IKZF1: variants seen among roughly 807,000 people sequenced by gnomAD.
The protein encoded by IKZF1 is IKAROS family zinc finger 1.
IKZF1 carries 10 observed loss-of-function variants against 51.7 expected under a neutral mutation model. That is an observed-to-expected ratio of 0.19 (90% CI 0.12 to 0.33). The LOEUF is 0.33. Ranked by LOEUF, IKZF1 falls within the 10% of genes least tolerant of loss-of-function variation. The pLI is 1.00. For missense variants in IKZF1, 484 were observed against 707.5 expected, an observed-to-expected ratio of 0.68 and a Z score of 3.58; for synonymous variants, 280 against 282.3, an observed-to-expected ratio of 0.99 and a Z score of 0.08.
chr7:50,364,050 T>C (rs1178901969), intron 3 of IKZF1, among the ~76,000 whole-genome samples: 5 of 152,242 alleles, frequency 3.3e-5, no homozygotes, highest in Non-Finnish European at 5.9e-5. Flanking sequence ...TTATAAATTT[T>C]ATAAATTTCT....
At chr7:50,399,784 G>T in intron 7 of IKZF1, 134 bp from the exon 8 acceptor site, 7 of 1,343,134 alleles carry the variant, frequency 5.2e-6, no homozygotes, top group Non-Finnish European at 6.9e-6. Context: ...TGCAGGTGTG[G>T]GGTCCGCAGG....
upstream of IKZF1, chr7:50,304,114 G>A (rs964047454): frequency 1.4e-5 from 2 of 146,620 alleles, no homozygotes; most frequent in African/African-American, 2.5e-5. Context: ...GGCGCCAGCA[G>A]GTACGGCCCG....
In IKZF1 at chr7:50,346,153, C is replaced by T. The variant is rs1373873007; in HGVS notation, c.160+18396C>T. ...CTGCCCACAGAGCTAGCCATGTGCACGGTGTGTTTGAACAATGTTATGTTG... is the reference window on the plus strand; with the variant it reads ...CTGCCCACAGAGCTAGCCATGTGCATGGTGTGTTTGAACAATGTTATGTTG... On this transcript the variant is annotated intron_variant, in intron 3 of 7. Transcript: ENST00000331340. Among the ~76,000 whole-genome samples the T allele has an allele frequency of 4.6e-5, 7 of 152,278 alleles. No individual in the cohort carries two copies. In the East Asian group the frequency reaches 1.2e-3, roughly 25 times the overall value.
rs1281986964 is a variant in IKZF1 at position 50,367,848 on chromosome 7, G to T, written c.161-8685G>T. On this transcript the variant is annotated intron_variant, in intron 3 of 7. Coordinates refer to ENST00000331340, the MANE Select transcript of IKZF1 (RefSeq NM_006060.6). Reference sequence around the variant, plus strand: ...GTTCATGAGTAATTACTTTTCTGTTGCCTATAGAAGGGCCAGCAATAGCAG... The same window carrying T: ...GTTCATGAGTAATTACTTTTCTGTTTCCTATAGAAGGGCCAGCAATAGCAG... The T allele has an allele frequency of 8.4e-6, 5 of 592,870 alleles. No individual in the cohort carries two copies. The African/African-American group carries it at 9.3e-5, about 11-fold the overall frequency. The allele number at this position is 592,870 out of a possible 1,614,324, so 36.7% of individuals were successfully genotyped here. A position where few individuals can be genotyped will look rare whatever the true frequency, so the allele number is the denominator to read the frequency against.
At chr7:50,303,767 G>A (rs1024067145), upstream of IKZF1, among the ~76,000 whole-genome samples, 1 of 151,718 alleles carries the variant, frequency 6.6e-6, no homozygotes, top group African/African-American at 2.4e-5. The surrounding 1 kb of genome is among the most constrained non-coding windows in gnomAD (Gnocchi z 4.7). Context: ...CTCGCCAGCG[G>A]GGCGAGCGTG....
Position 50,304,722 on chromosome 7 carries a change from A to G in IKZF1, c.-215A>G, listed in dbSNP as rs1241165616. Reference sequence around the variant, plus strand: ...GCGGCCAAGTTAGCAGGACACTCTAACAAGTGACTGCGCGGCCCGCGCCCG... The same window carrying G: ...GCGGCCAAGTTAGCAGGACACTCTAGCAAGTGACTGCGCGGCCCGCGCCCG... On this transcript the variant is annotated 5_prime_UTR_variant, in exon 1 of 8. Coordinates refer to ENST00000331340, the MANE Select transcript of IKZF1 (RefSeq NM_006060.6). The G allele has an allele frequency of 6.6e-6, 1 of 151,830 alleles. No individual in the cohort carries two copies. Among genetic ancestry groups the G allele is most frequent in the African/African-American group, 2.4e-5 (1 of 41,364 alleles). The allele number at this position is 151,830 out of a possible 1,614,324, so 9.4% of individuals were successfully genotyped here.
intron 3 of IKZF1, among the ~76,000 whole-genome samples, chr7:50,347,303 C>T (rs374337198): frequency 6.6e-6 from 1 of 152,134 alleles, no homozygotes; most frequent in South Asian, 2.1e-4. Context: ...AGTTAGCATA[C>T]CTGAGCTGCA....
In IKZF1 at chr7:50,400,122, A is replaced by C; in HGVS notation, c.1055A>C (p.Lys352Thr). The C allele has an allele frequency of 6.4e-7, 1 of 1,562,818 alleles. No individual in the cohort carries two copies. Among genetic ancestry groups the C allele is most frequent in the Non-Finnish European group, 8.7e-7 (1 of 1,155,462 alleles). Residue 352 changes from lysine (K) to threonine (T), a missense_variant, in exon 8 of 8, where the codon AAG becomes ACG. Transcript: ENST00000331340. The surrounding 1 kb of genome is among the most constrained non-coding windows in gnomAD (Gnocchi z 5.4). Reference sequence around the variant, plus strand: ...ATCAGCCCGATGTACCAGCTGCACAAGCCGCTCGCGGAGGGCACCCCGCGC... The same window carrying C: ...ATCAGCCCGATGTACCAGCTGCACACGCCGCTCGCGGAGGGCACCCCGCGC... ...PVISPMYQLH[K>T]PLAEGTPRSN...
Position 50,327,651 on chromosome 7 carries a change from C to T in IKZF1, c.54C>T (p.Pro18=), listed in dbSNP as rs780897370. The change falls in exon 3 of 8, where the codon CCC becomes CCT. Residue 18 remains proline, a synonymous_variant. Transcript: ENST00000331340. Reference sequence around the variant, plus strand: ...CTTTCTCATCAGGGAAGGAAAGCCCCCCTGTAAGCGATACTCCAGATGAGG... The same window carrying T: ...CTTTCTCATCAGGGAAGGAAAGCCCTCCTGTAAGCGATACTCCAGATGAGG... ...DMSQVSGKES[P]PVSDTPDEGD... 1.9e-6 allele frequency: 3 copies of T among 1,612,628 alleles called. No individual in the cohort carries two copies. The highest frequency in any genetic ancestry group is 2.5e-6 in the Non-Finnish European group (3 of 1,179,266).
chr7:50,366,719 A>C (rs1286938861), intron 3 of IKZF1, among the ~76,000 whole-genome samples: 3 of 152,228 alleles, frequency 2.0e-5, no homozygotes, highest in Non-Finnish European at 1.5e-5. Flanking sequence ...TACCCTTTAA[A>C]ACATCTTTGC....
intron 1 of IKZF1, among the ~76,000 whole-genome samples, chr7:50,305,915 G>A (rs1050643544): frequency 1.5e-4 from 23 of 152,124 alleles, no homozygotes; most frequent in African/African-American, 5.6e-4. Context: ...CGAGGGGTGG[G>A]GGGGACCCAC....
intron 3 of IKZF1, among the ~76,000 whole-genome samples, chr7:50,355,062 G>A (rs766367231): frequency 6.6e-6 from 1 of 152,062 alleles, no homozygotes; most frequent in Admixed American, 6.5e-5. Flanking sequence ...CTGGGTCTTG[G>A]GGGAAGGTGG....
At chr7:50,343,378 T>G (rs1313347145) in intron 3 of IKZF1, among the ~76,000 whole-genome samples, 4 of 151,998 alleles carry the variant, frequency 2.6e-5, no homozygotes, top group Non-Finnish European at 4.4e-5. Context: ...GACCAAATTG[T>G]TTTTCCCAGG....
At chr7:50,322,210 C>G (rs1793557259) in intron 2 of IKZF1, among the ~76,000 whole-genome samples, 1 of 151,988 alleles carries the variant, frequency 6.6e-6, no homozygotes, top group South Asian at 2.1e-4. Flanking sequence ...TACATTTAAC[C>G]AAATAGGAGT....
At chr7:50,362,105 A>G (rs1385221405) in intron 3 of IKZF1, among the ~76,000 whole-genome samples, 1 of 152,254 alleles carries the variant, frequency 6.6e-6, no homozygotes, top group African/African-American at 2.4e-5. Flanking sequence ...AGAAAGGGCC[A>G]GACATTGGTT....
chr7:50,368,590 T>A, intron 3 of IKZF1: 2 of 487,020 alleles, frequency 4.1e-6, no homozygotes, highest in Non-Finnish European at 7.3e-6. Context: ...CAACGTACTG[T>A]TCCTGCTTGG....
At chr7:50,364,438 A>T (rs1319330694) in intron 3 of IKZF1, among the ~76,000 whole-genome samples, 2 of 152,256 alleles carry the variant, frequency 1.3e-5, no homozygotes, top group African/African-American at 4.8e-5. Context: ...AAATGTAGAA[A>T]ACTGAGAAAA....
intron 4 of IKZF1, among the ~76,000 whole-genome samples, chr7:50,380,450 C>T (rs954359892): frequency 2.6e-5 from 4 of 152,220 alleles, no homozygotes; most frequent in South Asian, 2.1e-4. Flanking sequence ...TTCCCTGTAG[C>T]CCTCCAGACC....
intron 3 of IKZF1, among the ~76,000 whole-genome samples, chr7:50,372,393 C>T (rs1371227481): frequency 6.6e-6 from 1 of 152,240 alleles, no homozygotes; most frequent in Non-Finnish European, 1.5e-5. Flanking sequence ...CAGTCCTTGT[C>T]TTAGACTTCA....
Sources: gnomAD v4.1 joint callset for allele counts (sites outside exome capture counted in the v4.1 genomes callset) on GRCh38, gnomAD v4.1.1 for gene constraint, Gnocchi (gnomAD v3.1) non-coding constraint, MANE v1.5 for transcripts, NCBI Gene and HGNC (gene_info 2026-07-23, HGNC 2026-07-21) for gene names.